SYPL2: variants seen among roughly 807,000 people sequenced by gnomAD.
The protein encoded by SYPL2 is synaptophysin like 2.
A neutral mutation model predicts 31.3 loss-of-function variants in SYPL2; 24 were observed. That is an observed-to-expected ratio of 0.77 (90% CI 0.56 to 1.08). The LOEUF (loss-of-function observed/expected upper bound fraction) is 1.08. Among genes scored for constraint, SYPL2 ranks in the 50% least tolerant of loss-of-function variants. The probability of loss-of-function intolerance (pLI) is 0.00; values close to 1 mark genes in which losing one functional copy is unlikely to be tolerated. For missense variants in SYPL2, 342 were observed against 360.1 expected, an observed-to-expected ratio of 0.95 and a Z score of 0.41; for synonymous variants, 144 against 143.1, an observed-to-expected ratio of 1.01 and a Z score of -0.05.
Position 109,478,042 on chromosome 1 carries a change from C to T in SYPL2, c.648+33C>T. 3 of 1,611,126 alleles carry T rather than the reference C, an allele frequency of 1.9e-6. No individual in the cohort carries two copies. Among genetic ancestry groups the T allele is most frequent in the Non-Finnish European group, 2.5e-6 (3 of 1,179,186 alleles). On this transcript the variant is annotated intron_variant, in intron 5 of 5. Coordinates refer to ENST00000369872, the MANE Select transcript of SYPL2 (RefSeq NM_001040709.2). This position sits in a 1 kb window ranked among gnomAD's most constrained non-coding sequence, Gnocchi z 4.0. The stretch of plus-strand genomic sequence containing the variant: ...CTGTGGCCACTGCAGGAAGCAGCAC[C>T]AGCCCTGCTGCCCAGGCCTGTCCCA...
rs1656112907 is a variant in SYPL2 at position 109,479,828 on chromosome 1, C to T, written c.*280C>T. On this transcript the variant is annotated 3_prime_UTR_variant, in exon 6 of 6. Transcript: ENST00000369872. ...ACTTGGGGTCTTACTTGTACCCTTA[C>T]AGTCTCTGAGAACCAGCCTCTGCTG... is the stretch of plus-strand genomic sequence containing the variant. The T allele has an allele frequency of 2.4e-6, 1 of 408,802 alleles. No individual in the cohort carries two copies. Among genetic ancestry groups the T allele is most frequent in the Non-Finnish European group, 4.4e-6 (1 of 229,230 alleles). 25.3% of individuals were successfully genotyped at this position (408,802 alleles called of 1,614,324 possible). A position where few individuals can be genotyped will look rare whatever the true frequency, so the allele number is the denominator to read the frequency against.
In SYPL2 at chr1:109,475,629, A is replaced by G; in HGVS notation, c.178A>G (p.Thr60Ala). ...FGSCGSYSGE[T>A]GAMVRCNNEA... ...GTCCTGTGGCTCCTACAGCGGGGAG[A>G]CAGGAGCAATGGTTCGCTGCAACAA... Residue 60 changes from threonine (T) to alanine (A), a missense_variant, in exon 3 of 6, where the codon ACA (threonine) becomes GCA (alanine). Physicochemically the swap from Thr to Ala is moderately conservative, Grantham distance 58 (BLOSUM62 0). Coordinates refer to ENST00000369872, the MANE Select transcript of SYPL2 (RefSeq NM_001040709.2). 1 of 1,614,082 alleles carries G rather than the reference A, an allele frequency of 6.2e-7. No individual in the cohort carries two copies. The highest frequency in any genetic ancestry group is 8.5e-7 in the Non-Finnish European group (1 of 1,180,002).
At chr1:109,477,204 CCTTA>C (rs1656029293) in intron 4 of SYPL2, among the ~76,000 whole-genome samples, 1 of 152,148 alleles carries the variant, frequency 6.6e-6, no homozygotes, top group African/African-American at 2.4e-5. Flanking sequence ...CAGCATGGCC[CCTTA>C]CTTGCTGTGT....
At chr1:109,467,835 C>G (rs572125501) in intron 2 of SYPL2, among the ~76,000 whole-genome samples, 2 of 152,302 alleles carry the variant, frequency 1.3e-5, no homozygotes, top group South Asian at 4.2e-4. Context: ...GGGATCCAGA[C>G]CTAGACTGGC....
In SYPL2 at chr1:109,481,590, G is replaced by A. The variant is rs556031310; in HGVS notation, c.*2042G>A. 1.3e-5 allele frequency: 2 copies of A among 152,098 alleles called. No homozygotes were observed. The highest frequency in any genetic ancestry group is 1.3e-4 in the Admixed American group (2 of 15,270). The allele number at this position is 152,098 out of a possible 1,614,324, so 9.4% of individuals were successfully genotyped here. A position where few individuals can be genotyped will look rare whatever the true frequency, so the allele number is the denominator to read the frequency against. On this transcript the variant is annotated 3_prime_UTR_variant, in exon 6 of 6. Coordinates refer to ENST00000369872, the MANE Select transcript of SYPL2 (RefSeq NM_001040709.2). ...CTTCAGCTAGGGAAAGCAGTTGCGG[G>A]CAGGGGGTGGGGGGAGATTATATTC...
rs548426448 is a variant in SYPL2 at position 109,481,359 on chromosome 1, C to T, written c.*1811C>T. Reference sequence around the variant, plus strand: ...GTCATGAGCTGTCCCCATGGTTACTCAAGGACAAGGGGGGACAGTTTTGCC... The same window carrying T: ...GTCATGAGCTGTCCCCATGGTTACTTAAGGACAAGGGGGGACAGTTTTGCC... On this transcript the variant is annotated 3_prime_UTR_variant, in exon 6 of 6. Transcript: ENST00000369872. 6.5e-6 allele frequency: 1 copy of T among 152,680 alleles called. No individual in the cohort carries two copies. Among genetic ancestry groups the T allele is most frequent in the African/African-American group, 2.4e-5 (1 of 41,536 alleles). 9.5% of individuals were successfully genotyped at this position (152,680 alleles called of 1,614,324 possible).
At chr1:109,476,667 T>C in intron 3 of SYPL2, 109 bp from the exon 4 acceptor site, 1 of 1,163,146 alleles carries the variant, frequency 8.6e-7, no homozygotes, top group Non-Finnish European at 1.2e-6. Context: ...ACATGACCCC[T>C]TTCTTGGCTC....
intron 4 of SYPL2, 32 bp downstream of exon 4, chr1:109,477,009 G>A (rs1251910372): frequency 5.6e-6 from 9 of 1,612,394 alleles, no homozygotes; most frequent in African/African-American, 2.7e-5. Context: ...GGAATGGGGT[G>A]GAGAAACAGA....
At position 109,479,731 on chromosome 1, in the gene SYPL2, C is replaced by T; in HGVS notation, c.*183C>T. 2.3e-6 allele frequency: 2 copies of T among 860,626 alleles called. No individual in the cohort carries two copies. The highest frequency in any genetic ancestry group is 3.7e-5 in the South Asian group (2 of 54,640). 53.3% of individuals were successfully genotyped at this position (860,626 alleles called of 1,614,324 possible). A position where few individuals can be genotyped will look rare whatever the true frequency, so the allele number is the denominator to read the frequency against. ...GGCAGCCCTCTCAGTGGCTTCCTAT[C>T]CTCCTTCTTGCTGGAGCCATGAATG... On this transcript the variant is annotated 3_prime_UTR_variant, in exon 6 of 6. Transcript: ENST00000369872.
chr1:109,478,143 G>A lies in SYPL2; in HGVS notation c.648+134G>A, dbSNP rs1374558578. 2.8e-6 allele frequency: 4 copies of A among 1,447,344 alleles called. No individual in the cohort carries two copies. The highest frequency in any genetic ancestry group is 3.6e-6 in the Non-Finnish European group (4 of 1,102,598). The allele number at this position is 1,447,344 out of a possible 1,614,324, so 89.7% of individuals were successfully genotyped here. ...TGCACCTGGAGCTGGTGCCCTCACT[G>A]CGCTTCATGCTGGCTGCTGGCTCCT... On this transcript the variant is annotated intron_variant, in intron 5 of 5. Coordinates refer to ENST00000369872, the MANE Select transcript of SYPL2 (RefSeq NM_001040709.2). The surrounding 1 kb of genome is among the most constrained non-coding windows in gnomAD (Gnocchi z 4.0).
chr1:109,470,583 C>G (rs1326930217), intron 2 of SYPL2, among the ~76,000 whole-genome samples: 1 of 152,164 alleles, frequency 6.6e-6, no homozygotes, highest in Non-Finnish European at 1.5e-5. Context: ...CTAGAACTCC[C>G]CCTTGTCTCA....
Position 109,466,722 on chromosome 1 carries a change from C to T in SYPL2, c.-122C>T, listed in dbSNP as rs1571055631. On this transcript the variant is annotated 5_prime_UTR_variant, in exon 1 of 6. Coordinates refer to ENST00000369872, the MANE Select transcript of SYPL2 (RefSeq NM_001040709.2). ...ACTCCGGCCCACCGACGGCCGCTCG[C>T]GCTCCGGCCCCGCTCGCCTGCTCTG... The T allele has an allele frequency of 3.7e-6, 4 of 1,095,050 alleles. No homozygotes were observed. Among genetic ancestry groups the T allele is most frequent in the South Asian group, 2.5e-5 (1 of 40,720 alleles). The allele number at this position is 1,095,050 out of a possible 1,614,324, so 67.8% of individuals were successfully genotyped here.
rs1371178083 is a variant in SYPL2, at chr1:109,477,815, C to T, written c.457-3C>T. On this transcript the variant is annotated splice_polypyrimidine_tract_variant and splice_region_variant and intron_variant, in intron 4 of 5. Coordinates refer to ENST00000369872, the MANE Select transcript of SYPL2 (RefSeq NM_001040709.2). ...GTATTTCCCATCCCTCTGCTCCTCC[C>T]AGGACTTCTGTGTGACTGTCTCCTT... is the stretch of plus-strand genomic sequence containing the variant. The T allele has an allele frequency of 1.2e-6, 2 of 1,602,182 alleles. No individual in the cohort carries two copies. Among genetic ancestry groups the T allele is most frequent in the Admixed American group, 3.4e-5 (2 of 59,376 alleles).
chr1:109,470,023 C>G (rs1166919468), intron 2 of SYPL2, among the ~76,000 whole-genome samples: 1 of 151,144 alleles, frequency 6.6e-6, no homozygotes, highest in Non-Finnish European at 1.5e-5. Context: ...GAGACTGGCT[C>G]TATCGCTGAG....
At chr1:109,467,844 G>C (rs541230069) in intron 2 of SYPL2, among the ~76,000 whole-genome samples, 2 of 152,314 alleles carry the variant, frequency 1.3e-5, no homozygotes, top group East Asian at 3.9e-4. Flanking sequence ...ACCTAGACTG[G>C]CCTTTTCCAG....
intron 4 of SYPL2, 125 bp from the exon 5 acceptor site, chr1:109,477,693 G>A (rs1656042549): frequency 7.2e-7 from 1 of 1,384,898 alleles, no homozygotes; most frequent in Non-Finnish European, 9.7e-7. Flanking sequence ...TCTAGGTGTT[G>A]GGTAGGATGG....
At chr1:109,467,490 G>C (rs1215931090) in intron 2 of SYPL2, among the ~76,000 whole-genome samples, 1 of 152,140 alleles carries the variant, frequency 6.6e-6, no homozygotes, top group South Asian at 2.1e-4. Flanking sequence ...AAGGACGACG[G>C]GGACGAGGTC....
At chr1:109,473,413 T>C (rs563051512) in intron 2 of SYPL2, among the ~76,000 whole-genome samples, 1 of 152,302 alleles carries the variant, frequency 6.6e-6, no homozygotes, top group East Asian at 1.9e-4. Context: ...GAGAGGCCAA[T>C]GGCTCCAGCA....
At chr1:109,472,429 G>A (rs898624615) in intron 2 of SYPL2, among the ~76,000 whole-genome samples, 13 of 151,712 alleles carry the variant, frequency 8.6e-5, no homozygotes, top group African/African-American at 2.7e-4. Flanking sequence ...CTAGATAATA[G>A]TGCCTGGAAC....
Sources: gnomAD v4.1 joint callset for allele counts (sites outside exome capture counted in the v4.1 genomes callset) on GRCh38, gnomAD v4.1.1 for gene constraint, Gnocchi (gnomAD v3.1) non-coding constraint, MANE v1.5 for transcripts, NCBI Gene and HGNC (gene_info 2026-07-23, HGNC 2026-07-21) for gene names.